JAKMIP1: variants seen among roughly 807,000 people sequenced by gnomAD.
JAKMIP1 encodes the protein janus kinase and microtubule-interacting protein 1.
In JAKMIP1, 33 loss-of-function variants were observed where a neutral mutation model predicts 113.0. The ratio of observed to expected loss-of-function variants is 0.29; its 90% CI spans 0.22 to 0.39. The LOEUF is 0.39. Among genes scored for constraint, JAKMIP1 ranks in the 10% least tolerant of loss-of-function variants. The pLI is 1.00. For missense variants in JAKMIP1, 813 were observed against 1,080.5 expected (o/e 0.75, Z 3.47); for synonymous variants, 480 against 459.9 (o/e 1.04, Z -0.56).
chr4:6,037,238 G>A (rs1469693650), intron 18 of JAKMIP1, among the ~76,000 whole-genome samples: 1 of 141,456 alleles, frequency 7.1e-6, no homozygotes, highest in Non-Finnish European at 1.5e-5. Context: ...CACTGAGGCA[G>A]AGGCTAACCG....
chr4:6,195,552 A>G (rs896444906), intron 1 of JAKMIP1, among the ~76,000 whole-genome samples: 1 of 152,240 alleles, frequency 6.6e-6, no homozygotes, highest in African/African-American at 2.4e-5. Context: ...AAATTAAATT[A>G]GAAGCTAATA....
rs1022541106 is a variant in JAKMIP1, at chr4:6,199,640, G to T, written c.-148+613C>A. Among the ~76,000 whole-genome samples, 5 of 151,746 alleles carry T rather than the reference G, an allele frequency of 3.3e-5. No homozygotes were observed. The highest frequency in any genetic ancestry group is 9.7e-5 in the African/African-American group (4 of 41,378). ...CTCCTCCCCGGCGCCCACGTGGGCG[G>T]AGCAGCGCGAGGGTGTGCGTGGCAG... On this transcript the variant is annotated intron_variant, in intron 1 of 20. Coordinates refer to ENST00000409021, the MANE Select transcript of JAKMIP1 (RefSeq NM_001099433.2). The surrounding 1 kb of genome is among the most constrained non-coding windows in gnomAD (Gnocchi z 5.6).
At chr4:6,056,574 G>A (rs3892526) in intron 12 of JAKMIP1, 123 bp downstream of exon 12, 111,015 of 726,644 alleles carry the variant, frequency 0.15, 12,573 homozygotes, top group African/African-American at 0.47. Context: ...AGGTGTGCAG[G>A]ACCCGAGGCC....
In JAKMIP1 at chr4:6,192,961, G is replaced by A. The variant is rs1444506738; in HGVS notation, c.-148+7292C>T. ...AAGTATTGTTCCTGGGTGTGTCTGT[G>A]AGGGTGTTCCCAAAAGAGATTAACA... On this transcript the variant is annotated intron_variant, in intron 1 of 20. Transcript: ENST00000409021. The surrounding 1 kb of genome is among the most constrained non-coding windows in gnomAD (Gnocchi z 5.0). 6.6e-6 allele frequency among the ~76,000 whole-genome samples: 1 copy of A among 152,192 alleles called. No individual in the cohort carries two copies. The highest frequency in any genetic ancestry group is 1.5e-5 in the Non-Finnish European group (1 of 68,036).
In JAKMIP1 at chr4:6,187,755, G is replaced by T. The variant is rs1385341871; in HGVS notation, c.-148+12498C>A. Among the ~76,000 whole-genome samples, 1 of 152,190 alleles carries T rather than the reference G, an allele frequency of 6.6e-6. No individual in the cohort carries two copies. Among genetic ancestry groups the T allele is most frequent in the Admixed American group, 6.5e-5 (1 of 15,282 alleles). ...GTGTTTTGTTATAGCAGCCTGAAAGGACCAAGATAGCATATACTTGGATCA... is the reference window on the plus strand; with the variant it reads ...GTGTTTTGTTATAGCAGCCTGAAAGTACCAAGATAGCATATACTTGGATCA... On this transcript the variant is annotated intron_variant, in intron 1 of 20. Transcript: ENST00000409021. This position sits in a 1 kb window ranked among gnomAD's most constrained non-coding sequence, Gnocchi z 4.2.
Position 6,185,589 on chromosome 4 carries a change from A to G in JAKMIP1, c.-148+14664T>C, listed in dbSNP as rs927076502. Among the ~76,000 whole-genome samples the G allele has an allele frequency of 1.1e-4, 17 of 152,170 alleles. No individual in the cohort carries two copies. Among genetic ancestry groups the G allele is most frequent in the African/African-American group, 4.1e-4 (17 of 41,444 alleles). ...CGTGAACCTGGGAGGCGGAGCTTGC[A>G]GTGAGCTGAGATCACGCCACTGCAC... On this transcript the variant is annotated intron_variant, in intron 1 of 20. Coordinates refer to ENST00000409021, the MANE Select transcript of JAKMIP1 (RefSeq NM_001099433.2). This position sits in a 1 kb window ranked among gnomAD's most constrained non-coding sequence, Gnocchi z 5.3.
intron 1 of JAKMIP1, among the ~76,000 whole-genome samples, chr4:6,131,218 A>G (rs1718472982): frequency 6.7e-6 from 1 of 150,202 alleles, no homozygotes; most frequent in African/African-American, 2.4e-5. Flanking sequence ...ATAAACACAT[A>G]TATAAAAAAA....
chr4:6,151,806 T>C (rs1721601492), intron 1 of JAKMIP1, among the ~76,000 whole-genome samples: 1 of 152,204 alleles, frequency 6.6e-6, no homozygotes. Flanking sequence ...TAGATCTGTT[T>C]CTTTACCTGT....
rs1560341022 is a variant in JAKMIP1 at position 6,183,512 on chromosome 4, A to AATTTT, written c.-148+16740_-148+16741insAAAAT. The stretch of plus-strand genomic sequence containing the variant: ...AATAAATAAATAAATAAATAAATTT[A>AATTTT]AAAAAGAAAGTAAAATGGAACAGAA... On this transcript the variant is annotated intron_variant, in intron 1 of 20. Transcript: ENST00000409021. This position sits in a 1 kb window ranked among gnomAD's most constrained non-coding sequence, Gnocchi z 5.3. 6.6e-6 allele frequency among the ~76,000 whole-genome samples: 1 copy of AATTTT among 151,734 alleles called. No individual in the cohort carries two copies. The highest frequency in any genetic ancestry group is 2.4e-5 in the African/African-American group (1 of 41,402).
At chr4:6,152,193 A>G (rs1179123712) in intron 1 of JAKMIP1, among the ~76,000 whole-genome samples, 2 of 152,170 alleles carry the variant, frequency 1.3e-5, no homozygotes, top group African/African-American at 4.8e-5. Context: ...AGTCAAATCA[A>G]CTCGGAATAA....
Position 6,073,505 on chromosome 4 carries a change from C to T in JAKMIP1, c.1302+5434G>A, listed in dbSNP as rs538595333. On this transcript the variant is annotated intron_variant, in intron 8 of 20. Coordinates refer to ENST00000409021, the MANE Select transcript of JAKMIP1 (RefSeq NM_001099433.2). ...ATTACTGCAAAGGGCATTGAGATCCCACCTCACTATTATAAATTAGTGGGG... is the reference window on the plus strand; with the variant it reads ...ATTACTGCAAAGGGCATTGAGATCCTACCTCACTATTATAAATTAGTGGGG... Among the ~76,000 whole-genome samples the T allele has an allele frequency of 2.0e-4, 31 of 152,314 alleles. 1 individual carries two copies. In the East Asian group the frequency reaches 5.6e-3, roughly 27 times the overall value.
At chr4:6,126,089 TACAG>T (rs1208123122) in intron 1 of JAKMIP1, among the ~76,000 whole-genome samples, 3 of 110,460 alleles carry the variant, frequency 2.7e-5, no homozygotes, top group African/African-American at 7.4e-5. Context: ...ACACACACCA[TACAG>T]AAACACACAC....
chr4:6,090,812 C>T (rs1350965840), intron 3 of JAKMIP1, among the ~76,000 whole-genome samples: 2 of 151,842 alleles, frequency 1.3e-5, no homozygotes, highest in African/African-American at 4.8e-5. Flanking sequence ...CCCATGTTGA[C>T]CATAACCACC....
chr4:6,156,911 T>C lies in JAKMIP1; in HGVS notation c.-148+43342A>G, dbSNP rs1338970138. On this transcript the variant is annotated intron_variant, in intron 1 of 20. Transcript: ENST00000409021. The surrounding 1 kb of genome is among the most constrained non-coding windows in gnomAD (Gnocchi z 5.0). Reference sequence around the variant, plus strand: ...CCAACAGCCACAGCCCTGAATTTTCTATAACAAGTTCCATGGCTAGTGGTT... The same window carrying C: ...CCAACAGCCACAGCCCTGAATTTTCCATAACAAGTTCCATGGCTAGTGGTT... Among the ~76,000 whole-genome samples the C allele has an allele frequency of 6.6e-6, 1 of 152,260 alleles. No individual in the cohort carries two copies. The highest frequency in any genetic ancestry group is 2.4e-5 in the African/African-American group (1 of 41,478).
chr4:6,035,191 C>T (rs1713250027), intron 19 of JAKMIP1, among the ~76,000 whole-genome samples: 1 of 152,052 alleles, frequency 6.6e-6, no homozygotes, highest in Non-Finnish European at 1.5e-5. Flanking sequence ...GACATCCCTC[C>T]CCACTGGTAA....
chr4:6,095,929 C>A (rs981564104), intron 3 of JAKMIP1, among the ~76,000 whole-genome samples: 2 of 152,140 alleles, frequency 1.3e-5, no homozygotes, highest in Non-Finnish European at 2.9e-5. Flanking sequence ...AGAAAAATAT[C>A]AGATGAGAAG....
At position 6,139,505 on chromosome 4, in the gene JAKMIP1, C is replaced by A. The variant is rs138248701; in HGVS notation, c.-147-26508G>T. ...AAATGGGGCTGGTCGTGGTGGCTCACGCCTGTAACCCCAGCACTTTGGGAG... is the reference window on the plus strand; with the variant it reads ...AAATGGGGCTGGTCGTGGTGGCTCAAGCCTGTAACCCCAGCACTTTGGGAG... On this transcript the variant is annotated intron_variant, in intron 1 of 20. Coordinates refer to ENST00000409021, the MANE Select transcript of JAKMIP1 (RefSeq NM_001099433.2). The surrounding 1 kb of genome is among the most constrained non-coding windows in gnomAD (Gnocchi z 5.2). Among the ~76,000 whole-genome samples, 4 of 152,084 alleles carry A rather than the reference C, an allele frequency of 2.6e-5. No homozygotes were observed. Among genetic ancestry groups the A allele is most frequent in the Admixed American group, 2.6e-4 (4 of 15,264 alleles).
chr4:6,047,486 G>A (rs1361120920), intron 16 of JAKMIP1, among the ~76,000 whole-genome samples: 1 of 152,186 alleles, frequency 6.6e-6, no homozygotes, highest in African/African-American at 2.4e-5. Flanking sequence ...CCACCAGCCG[G>A]CCAGGTGTGA....
At chr4:6,098,727 A>G (rs1346237629) in intron 3 of JAKMIP1, among the ~76,000 whole-genome samples, 1 of 45,042 alleles carries the variant, frequency 2.2e-5, no homozygotes, top group Admixed American at 2.0e-4. Context: ...AAAGAAAAAG[A>G]AAGAAAGAGA....
Sources: gnomAD v4.1 joint callset for allele counts (sites outside exome capture counted in the v4.1 genomes callset) on GRCh38, gnomAD v4.1.1 for gene constraint, Gnocchi (gnomAD v3.1) non-coding constraint, MANE v1.5 for transcripts, NCBI Gene and HGNC (gene_info 2026-07-23, HGNC 2026-07-21) for gene names.